The following UNC13C variants were observed in gnomAD, a reference collection of about 807,000 sequenced individuals.
UNC13C encodes unc-13 homolog C.
A neutral mutation model predicts 245.4 loss-of-function variants in UNC13C; 174 were observed. The observed-to-expected ratio is 0.71, with a 90% CI of 0.63 to 0.80. The LOEUF is 0.80. UNC13C is among the 30% of genes least tolerant of loss of function. The pLI is 0.00. For synonymous variants in UNC13C, 992 were observed against 895.1 expected (o/e 1.11, Z -1.93); for missense variants, 2,829 against 2,602.9 (o/e 1.09, Z -1.89).
At chr15:53,891,347 G>A in the UNC13C span, among the ~76,000 whole-genome samples, 1 of 152,286 alleles carries the variant, frequency 6.6e-6, no homozygotes, top group East Asian at 1.9e-4. Flanking sequence ...CTGTTGATTT[G>A]GGGTGGAGAG....
intron 19 of UNC13C, among the ~76,000 whole-genome samples, chr15:54,487,411 T>C (rs1342339589): frequency 6.6e-6 from 1 of 152,202 alleles, no homozygotes; most frequent in African/African-American, 2.4e-5. Context: ...TATATCTTTT[T>C]TCTTACCCTA....
intron 14 of UNC13C, among the ~76,000 whole-genome samples, chr15:54,330,916 G>A (rs2038419399): frequency 2.0e-5 from 3 of 152,002 alleles, no homozygotes; most frequent in South Asian, 2.1e-4. Context: ...CTCCACAGAG[G>A]TTAACACAGA....
At chr15:53,917,355 T>C in the UNC13C span, among the ~76,000 whole-genome samples, 1 of 152,040 alleles carries the variant, frequency 6.6e-6, no homozygotes, top group Non-Finnish European at 1.5e-5. Context: ...CTTTTAAGAC[T>C]GGAAACCTGA....
At chr15:54,227,494 AC>A (rs143603696) in intron 4 of UNC13C, among the ~76,000 whole-genome samples, 339 of 152,048 alleles carry the variant, frequency 2.2e-3, no homozygotes, top group African/African-American at 7.8e-3. Flanking sequence ...CACCTGCAGC[AC>A]CCCCTCCCTC....
intron 27 of UNC13C, among the ~76,000 whole-genome samples, chr15:54,547,482 C>T (rs545133224): frequency 2.0e-4 from 30 of 152,126 alleles, no homozygotes; most frequent in Admixed American, 1.3e-3. Context: ...GCACCTGTTA[C>T]GGGGCAATGT....
chr15:53,864,585 T>A, the UNC13C span, among the ~76,000 whole-genome samples: 2 of 152,212 alleles, frequency 1.3e-5, no homozygotes, highest in Non-Finnish European at 2.9e-5. Flanking sequence ...ACTTTCAACA[T>A]TCTCTCTACC....
chr15:54,299,234 C>T (rs769437990), intron 12 of UNC13C, among the ~76,000 whole-genome samples: 2 of 152,132 alleles, frequency 1.3e-5, no homozygotes, highest in Non-Finnish European at 2.9e-5. Context: ...GAACTGAAAT[C>T]TAAGAAAAAG....
At position 54,143,675 on chromosome 15, in the gene UNC13C, T is replaced by C. The variant is rs2032129493; in HGVS notation, c.3062T>C (p.Val1021Ala). 1 of 1,612,916 alleles carries C rather than the reference T, an allele frequency of 6.2e-7. No individual in the cohort carries two copies. Among genetic ancestry groups the C allele is most frequent in the African/African-American group, 1.3e-5 (1 of 74,918 alleles). ...LDASKFSALQVCGGAGGGLYG... is the reference protein window; with the variant it reads ...LDASKFSALQACGGAGGGLYG... ...GCTTCCAAATTTTCTGCACTCCAGG[T>C]GTGTGGTGGGTAAGTACCTTCATAC... The change falls in exon 4 of 33, where the codon GTG (valine) becomes GCG (alanine). Residue 1021 changes from valine (V) to alanine (A), a missense_variant. By Grantham distance (64) the Val-to-Ala change is moderately conservative (BLOSUM62 0). Transcript: ENST00000260323.
At chr15:53,984,985 T>A (rs369106783) in intron 1 of UNC13C, among the ~76,000 whole-genome samples, 6 of 152,060 alleles carry the variant, frequency 3.9e-5, no homozygotes, top group African/African-American at 1.4e-4. Flanking sequence ...CTTTATTTCT[T>A]CTAAAGAAAA....
At chr15:54,565,490 A>ACT (rs1343090379) in intron 29 of UNC13C, among the ~76,000 whole-genome samples, 2 of 152,034 alleles carry the variant, frequency 1.3e-5, no homozygotes, top group Non-Finnish European at 2.9e-5. Context: ...CACTCATACT[A>ACT]CTTTATATAC....
At chr15:54,314,378 A>G (rs1287827826) in intron 13 of UNC13C, among the ~76,000 whole-genome samples, 1 of 151,836 alleles carries the variant, frequency 6.6e-6, no homozygotes, top group Non-Finnish European at 1.5e-5. Context: ...CATATTGTAT[A>G]CATATTTCAA....
the UNC13C span, among the ~76,000 whole-genome samples, chr15:53,861,288 C>T: frequency 3.3e-5 from 5 of 152,062 alleles, no homozygotes; most frequent in East Asian, 1.9e-4. Flanking sequence ...AGGTAAGAAT[C>T]GAATCAAGTA....
chr15:54,322,189 T>G (rs1567186114), intron 14 of UNC13C, 94 bp downstream of exon 14: 16 of 1,253,004 alleles, frequency 1.3e-5, no homozygotes, highest in Non-Finnish European at 1.7e-5. Context: ...GGAATCTTAT[T>G]GCAGAAAGGA....
chr15:54,482,610 G>A (rs757761201), intron 19 of UNC13C, among the ~76,000 whole-genome samples: 3 of 152,188 alleles, frequency 2.0e-5, no homozygotes, highest in Non-Finnish European at 4.4e-5. Context: ...TCTCTTCCCT[G>A]CTGAATTCCA....
At chr15:53,938,943 C>T in the UNC13C span, among the ~76,000 whole-genome samples, 1 of 151,702 alleles carries the variant, frequency 6.6e-6, no homozygotes, top group African/African-American at 2.4e-5. Context: ...CTAAAAGAAC[C>T]AGAGAACCAA....
At chr15:53,963,614 G>A in the UNC13C span, among the ~76,000 whole-genome samples, 1 of 152,260 alleles carries the variant, frequency 6.6e-6, no homozygotes, top group Admixed American at 6.5e-5. Context: ...TACAAATCCT[G>A]GGAAACAGTA....
the UNC13C span, among the ~76,000 whole-genome samples, chr15:53,920,739 T>C: frequency 1.3e-5 from 2 of 151,576 alleles, no homozygotes; most frequent in Non-Finnish European, 2.9e-5. Flanking sequence ...CCATTTATTT[T>C]CTCAAAAAAC....
At chr15:54,096,385 C>T (rs1332030107) in intron 2 of UNC13C, among the ~76,000 whole-genome samples, 1 of 152,060 alleles carries the variant, frequency 6.6e-6, no homozygotes, top group Non-Finnish European at 1.5e-5. Flanking sequence ...CTCAAGAACT[C>T]TCAGCAAATT....
chr15:53,873,048 G>A, the UNC13C span, among the ~76,000 whole-genome samples: 2 of 152,098 alleles, frequency 1.3e-5, no homozygotes, highest in African/African-American at 4.8e-5. Context: ...AGGATGGGAA[G>A]ATATTCCCAG....
Sources: gnomAD v4.1 joint callset for allele counts (sites outside exome capture counted in the v4.1 genomes callset) on GRCh38, gnomAD v4.1.1 for gene constraint, MANE v1.5 for transcripts, NCBI Gene and HGNC (gene_info 2026-07-23, HGNC 2026-07-21) for gene names.